NRG1: variants seen among roughly 807,000 people sequenced by gnomAD.
NRG1 encodes the protein neuregulin 1, also known as pro-neuregulin-1, membrane-bound isoform.
Under a neutral mutation model 63.8 loss-of-function variants are expected in NRG1, and 18 were observed. The ratio of observed to expected loss-of-function variants is 0.28; its 90% CI spans 0.19 to 0.42. The LOEUF (loss-of-function observed/expected upper bound fraction) is 0.42, where lower values mean the gene tolerates loss of function less well. NRG1 is among the 10% of genes least tolerant of loss of function. The probability of loss-of-function intolerance (pLI) is 1.00; values close to 1 mark genes in which losing one functional copy is unlikely to be tolerated. For synonymous variants in NRG1, 302 were observed against 301.3 expected (o/e 1.00, Z -0.02); for missense variants, 762 against 814.7 (o/e 0.94, Z 0.79).
At chr8:32,409,635 T>C (rs1299538032) in intron 1 of NRG1, among the ~76,000 whole-genome samples, 1 of 152,022 alleles carries the variant, frequency 6.6e-6, no homozygotes, top group Non-Finnish European at 1.5e-5. Context: ...TAATGGAAAA[T>C]GAACAGAGCA....
At chr8:31,883,337 A>G (rs1279576936) in intron 1 of NRG1, among the ~76,000 whole-genome samples, 1 of 152,168 alleles carries the variant, frequency 6.6e-6, no homozygotes, top group Non-Finnish European at 1.5e-5. Context: ...AGACTACAGT[A>G]TAGTACAACT....
exon 12 of NRG1, chr8:32,764,491 A>G (rs925917138): frequency 5.8e-6 from 7 of 1,203,602 alleles, no homozygotes; most frequent in Non-Finnish European, 1.1e-6. Flanking sequence ...ATTTTATTTT[A>G]GCAGTTCTGC....
At chr8:31,863,526 C>A (rs1407902163) in intron 1 of NRG1, among the ~76,000 whole-genome samples, 3 of 152,162 alleles carry the variant, frequency 2.0e-5, no homozygotes, top group Non-Finnish European at 4.4e-5. Flanking sequence ...TTTACAAATG[C>A]CTCATGTGTC....
intron 1 of NRG1, among the ~76,000 whole-genome samples, chr8:32,471,743 C>A (rs200386054): frequency 6.6e-6 from 1 of 152,150 alleles, no homozygotes; most frequent in East Asian, 1.9e-4. Context: ...TGTTCAGAGT[C>A]TATTCTTGAG....
chr8:32,771,137 G>T (rs912377794), downstream of NRG1, among the ~76,000 whole-genome samples: 1 of 151,960 alleles, frequency 6.6e-6, no homozygotes, highest in Admixed American at 6.6e-5. Context: ...CTGAGACAGG[G>T]TCTTGATCTG....
intron 1 of NRG1, among the ~76,000 whole-genome samples, chr8:32,268,329 AAGTGGCTGTATTTGTTATAC>A (rs1851202599): frequency 6.6e-6 from 1 of 152,208 alleles, no homozygotes; most frequent in Non-Finnish European, 1.5e-5. Context: ...TGTGTGTTTT[AAGTGGCTGTATTTGTTATAC>A]AGAAATAAAA....
intron 1 of NRG1, among the ~76,000 whole-genome samples, chr8:31,826,648 G>T (rs1237700558): frequency 6.6e-6 from 1 of 152,168 alleles, no homozygotes; most frequent in Non-Finnish European, 1.5e-5. Context: ...TAACATCACT[G>T]GGTGGGTGGA....
At chr8:31,897,284 T>A (rs2129614743) in intron 1 of NRG1, among the ~76,000 whole-genome samples, 1 of 152,168 alleles carries the variant, frequency 6.6e-6, no homozygotes, top group African/African-American at 2.4e-5. Context: ...CAGGCACAGC[T>A]GACCAGTATT....
At chr8:32,521,514 A>G (rs1830343732) in intron 1 of NRG1, among the ~76,000 whole-genome samples, 1 of 152,214 alleles carries the variant, frequency 6.6e-6, no homozygotes. Context: ...CAATGAATAC[A>G]GAAGTGCTCA....
At chr8:32,138,405 A>G (rs1205414189) in intron 1 of NRG1, among the ~76,000 whole-genome samples, 3 of 151,690 alleles carry the variant, frequency 2.0e-5, no homozygotes, top group African/African-American at 4.8e-5. Context: ...CCAAAACACA[A>G]GTTTTAGGAT....
chr8:32,658,975 G>A (rs952989069), intron 5 of NRG1, among the ~76,000 whole-genome samples: 2 of 152,182 alleles, frequency 1.3e-5, no homozygotes, highest in Admixed American at 6.5e-5. Context: ...GTTCAAGGAT[G>A]AGAGGTGAAT....
At chr8:31,646,428 A>T in intron 1 of NRG1, among the ~76,000 whole-genome samples, 1 of 152,220 alleles carries the variant, frequency 6.6e-6, no homozygotes, top group East Asian at 1.9e-4. Flanking sequence ...GAGTCTTGGT[A>T]CTGGGTATAC....
At chr8:32,381,822 C>A (rs972402390) in intron 1 of NRG1, among the ~76,000 whole-genome samples, 3 of 152,086 alleles carry the variant, frequency 2.0e-5, no homozygotes, top group African/African-American at 7.2e-5. Flanking sequence ...AGAACAATAT[C>A]TGAAACATTA....
intron 11 of NRG1, 121 bp from the exon 12 acceptor site, chr8:32,763,627 A>G (rs1297150827): frequency 1.0e-5 from 12 of 1,184,232 alleles, no homozygotes; most frequent in Non-Finnish European, 1.4e-5. Context: ...TAAGCAGCCT[A>G]CAATGAATAG....
At chr8:32,040,042 C>T (rs376473241) in intron 1 of NRG1, among the ~76,000 whole-genome samples, 10 of 152,022 alleles carry the variant, frequency 6.6e-5, no homozygotes, top group African/African-American at 2.4e-4. Context: ...AACAACAAAA[C>T]AAACAGACAA....
intron 7 of NRG1, among the ~76,000 whole-genome samples, chr8:32,751,554 A>G (rs564049131): frequency 1.3e-5 from 2 of 152,330 alleles, no homozygotes; most frequent in African/African-American, 4.8e-5. Context: ...GATCACATTC[A>G]TAGTGTGGGA....
chr8:31,863,696 A>C (rs1057406934), intron 1 of NRG1, among the ~76,000 whole-genome samples: 6 of 152,224 alleles, frequency 3.9e-5, no homozygotes, highest in Admixed American at 3.9e-4. Context: ...GTTCTCAGAA[A>C]GTCCTGCCTT....
At chr8:32,198,169 TTTTGTTTG>T (rs370145308) in intron 1 of NRG1, among the ~76,000 whole-genome samples, 1 of 152,126 alleles carries the variant, frequency 6.6e-6, no homozygotes, top group Non-Finnish European at 1.5e-5. Flanking sequence ...TTGTTTCCTT[TTTTGTTTG>T]TTTGTTTGTT....
chr8:32,178,600 ACT>A (rs1200459797), intron 1 of NRG1, among the ~76,000 whole-genome samples: 1 of 152,064 alleles, frequency 6.6e-6, no homozygotes, highest in African/African-American at 2.4e-5. Flanking sequence ...ATAGAGTGAG[ACT>A]CTGTCTCAAA....
Sources: allele counts gnomAD v4.1 joint callset (sites outside exome capture counted in the v4.1 genomes callset), GRCh38; gene constraint gnomAD v4.1.1; transcripts MANE v1.5; gene names NCBI Gene and HGNC (gene_info 2026-07-23, HGNC 2026-07-21).